Variants in GAB2 observed in about 807,000 individuals in gnomAD.
The protein encoded by GAB2 is GRB2 associated binding protein 2, also known as GRB2-associated-binding protein 2.
GAB2 carries 26 observed loss-of-function variants against 65.5 expected under a neutral mutation model. The observed-to-expected ratio is 0.40, with a 90% CI of 0.29 to 0.55. GAB2 has a LOEUF of 0.55. Among genes scored for constraint, GAB2 ranks in the 20% least tolerant of loss-of-function variants. The pLI, the probability that GAB2 is intolerant of heterozygous loss-of-function variation, is 0.53. For missense variants in GAB2, 884 were observed against 875.8 expected, an observed-to-expected ratio of 1.01 and a Z score of -0.12; for synonymous variants, 321 against 329.6, an observed-to-expected ratio of 0.97 and a Z score of 0.28.
At chr11:78,385,691 C>A (rs1398610238) in intron 1 of GAB2, among the ~76,000 whole-genome samples, 8 of 152,126 alleles carry the variant, frequency 5.3e-5, no homozygotes. Context: ...TTCTTAGACA[C>A]CAGAAACTCC....
chr11:78,295,001 G>A (rs899180569), intron 1 of GAB2, among the ~76,000 whole-genome samples: 9 of 152,090 alleles, frequency 5.9e-5, no homozygotes, highest in Non-Finnish European at 1.3e-4. Flanking sequence ...CTGACAAAGG[G>A]CTGATATCCA....
At position 78,359,122 on chromosome 11, in the gene GAB2, CAT is replaced by C. The variant is rs146950152; in HGVS notation, c.75+58522_75+58523del. On this transcript the variant is annotated intron_variant, in intron 1 of 9. Coordinates refer to ENST00000361507, the MANE Select transcript of GAB2 (RefSeq NM_080491.3). ...TGGATGATAGAGTAAGAGGGTCTAACATATATCTAATCTTGTAACTGAAGTTC... is the reference window on the plus strand; with the variant it reads ...TGGATGATAGAGTAAGAGGGTCTAACATATCTAATCTTGTAACTGAAGTTC... Among the ~76,000 whole-genome samples, 1,421 of 152,232 alleles carry C rather than the reference CAT, an allele frequency of 9.3e-3. 31 individuals are homozygous for C. Among genetic ancestry groups the C allele is most frequent in the African/African-American group, 0.033 (1,355 of 41,534 alleles).
chr11:78,407,910 A>C (rs1214365991), intron 1 of GAB2, among the ~76,000 whole-genome samples: 2 of 152,188 alleles, frequency 1.3e-5, no homozygotes, highest in Non-Finnish European at 2.9e-5. Flanking sequence ...ACAGGTGCTC[A>C]AAGAAAAGAA....
intron 1 of GAB2, among the ~76,000 whole-genome samples, chr11:78,403,754 A>G (rs1045083908): frequency 2.0e-5 from 3 of 152,230 alleles, no homozygotes; most frequent in Admixed American, 2.0e-4. Context: ...CATCAAGCTT[A>G]AAAGCTTTGA....
chr11:78,240,636 C>T (rs1483677968), intron 3 of GAB2, among the ~76,000 whole-genome samples: 1 of 151,360 alleles, frequency 6.6e-6, no homozygotes, highest in Non-Finnish European at 1.5e-5. Flanking sequence ...GTCACTGCTA[C>T]ATGGTGTATC....
intron 1 of GAB2, among the ~76,000 whole-genome samples, chr11:78,370,604 T>C (rs749157903): frequency 2.6e-4 from 39 of 152,110 alleles, no homozygotes; most frequent in Non-Finnish European, 4.6e-4. Flanking sequence ...ACCAAGGCTA[T>C]ATGCATCAAC....
intron 1 of GAB2, among the ~76,000 whole-genome samples, chr11:78,323,487 G>C (rs945073081): frequency 7.9e-5 from 12 of 151,954 alleles, no homozygotes; most frequent in Admixed American, 7.9e-4. Context: ...TCCAGCCTGG[G>C]CAACAGAGCA....
chr11:78,325,844 T>C (rs1855812142), intron 1 of GAB2, among the ~76,000 whole-genome samples: 1 of 152,074 alleles, frequency 6.6e-6, no homozygotes, highest in Non-Finnish European at 1.5e-5. Flanking sequence ...AAAAAGAAAA[T>C]TCACCAGAGT....
chr11:78,403,270 T>C (rs1856997942), intron 1 of GAB2, among the ~76,000 whole-genome samples: 1 of 152,256 alleles, frequency 6.6e-6, no homozygotes. Flanking sequence ...GGTTACCCTA[T>C]AGCTTAAAAA....
intron 3 of GAB2, among the ~76,000 whole-genome samples, chr11:78,242,299 G>A (rs896112856): frequency 5.3e-5 from 8 of 151,908 alleles, no homozygotes; most frequent in Admixed American, 2.0e-4. Flanking sequence ...TCAGGAGATC[G>A]AGACCAACCT....
At chr11:78,359,467 C>A (rs563874066) in intron 1 of GAB2, among the ~76,000 whole-genome samples, 1 of 152,194 alleles carries the variant, frequency 6.6e-6, no homozygotes, top group African/African-American at 2.4e-5. Context: ...ATGCAGAAGT[C>A]AATAGCCATT....
At chr11:78,280,472 ACTCTTTACCCTTTATCTATGAACG>A in intron 2 of GAB2, 105 bp downstream of exon 2, 5 of 792,238 alleles carry the variant, frequency 6.3e-6, no homozygotes, top group Non-Finnish European at 1.0e-5. Flanking sequence ...ACCCCTTCAC[ACTCTTTACCCTTTATCTATGAACG>A]CTCTTCCAAC....
At chr11:78,278,042 G>A (rs891010262) in intron 2 of GAB2, among the ~76,000 whole-genome samples, 9 of 150,594 alleles carry the variant, frequency 6.0e-5, no homozygotes, top group African/African-American at 2.2e-4. Flanking sequence ...TGAGACTGGT[G>A]TGTTTGTGAA....
intron 1 of GAB2, among the ~76,000 whole-genome samples, chr11:78,319,497 A>C (rs1472041201): frequency 2.0e-5 from 3 of 152,320 alleles, no homozygotes; most frequent in Admixed American, 2.0e-4. Flanking sequence ...TGTTCTTTAC[A>C]GTTTTCTCCC....
At chr11:78,243,735 T>G (rs1865212298) in intron 3 of GAB2, among the ~76,000 whole-genome samples, 1 of 148,698 alleles carries the variant, frequency 6.7e-6, no homozygotes, top group South Asian at 2.2e-4. Context: ...TCCCAGCTAC[T>G]TGGGAGGCTG....
intron 1 of GAB2, among the ~76,000 whole-genome samples, chr11:78,355,091 A>T (rs1227770217): frequency 3.3e-5 from 5 of 152,242 alleles, no homozygotes; most frequent in Non-Finnish European, 7.3e-5. Context: ...TTACTTAAAG[A>T]TCAGGAGTGA....
At chr11:78,311,198 G>C (rs1855493153) in intron 1 of GAB2, among the ~76,000 whole-genome samples, 1 of 152,090 alleles carries the variant, frequency 6.6e-6, no homozygotes, top group Non-Finnish European at 1.5e-5. Context: ...ATGAAAGTAA[G>C]TTTTTTCTTC....
intron 1 of GAB2, among the ~76,000 whole-genome samples, chr11:78,367,181 G>C (rs761708979): frequency 1.3e-5 from 2 of 152,150 alleles, no homozygotes; most frequent in Non-Finnish European, 2.9e-5. Flanking sequence ...CTTGGACCAA[G>C]AGTCACAAAT....
Position 78,290,284 on chromosome 11 carries a change from T to C in GAB2, c.76-9383A>G, listed in dbSNP as rs186543057. Among the ~76,000 whole-genome samples, 35 of 152,178 alleles carry C rather than the reference T, an allele frequency of 2.3e-4. No individual in the cohort carries two copies. In the East Asian group the frequency reaches 5.2e-3, roughly 23 times the overall value. On this transcript the variant is annotated intron_variant, in intron 1 of 9. Coordinates refer to ENST00000361507, the MANE Select transcript of GAB2 (RefSeq NM_080491.3). The stretch of plus-strand genomic sequence containing the variant: ...TGGATAGGGTCTACTGTCAAGAAAG[T>C]TGGAAAAAAGAATTTGTGTCTAGGA...
Sources: gnomAD v4.1 joint callset for allele counts (sites outside exome capture counted in the v4.1 genomes callset) on GRCh38, gnomAD v4.1.1 for gene constraint, MANE v1.5 for transcripts, NCBI Gene and HGNC (gene_info 2026-07-23, HGNC 2026-07-21) for gene names.